Variants in SH3BGR observed in about 807,000 individuals in gnomAD.
The protein encoded by SH3BGR is SH3 domain-binding glutamic acid-rich protein.
Under a neutral mutation model 24.5 loss-of-function variants are expected in SH3BGR, and 29 were observed. The observed-to-expected ratio is 1.18, with a 90% CI of 0.88 to 1.61. The LOEUF is 1.61. Ranked by LOEUF, SH3BGR falls within the 40% of genes most tolerant of loss-of-function variation. SH3BGR has a pLI of 0.00. For synonymous variants in SH3BGR, 55 were observed against 65.7 expected, an observed-to-expected ratio of 0.84 and a Z score of 0.79; for missense variants, 162 against 205.8, an observed-to-expected ratio of 0.79 and a Z score of 1.30.
intron 3 of SH3BGR, among the ~76,000 whole-genome samples, chr21:39,481,803 A>T (rs1289870727): frequency 6.6e-6 from 1 of 152,204 alleles, no homozygotes; most frequent in Non-Finnish European, 1.5e-5. Flanking sequence ...GAATTAGAAA[A>T]ATAACCCGTT....
chr21:39,457,305 T>A (rs1296316512), intron 1 of SH3BGR, among the ~76,000 whole-genome samples: 2 of 143,292 alleles, frequency 1.4e-5, no homozygotes, highest in East Asian at 3.9e-4. Context: ...TATAGTTACA[T>A]ATATAAATCT....
chr21:39,468,697 C>T (rs189200950), intron 2 of SH3BGR, among the ~76,000 whole-genome samples: 6 of 152,192 alleles, frequency 3.9e-5, no homozygotes, highest in African/African-American at 7.2e-5. Context: ...CCTTGACCCC[C>T]CAACGTGCTG....
chr21:39,460,182 G>A (rs191387200), intron 1 of SH3BGR, among the ~76,000 whole-genome samples: 271 of 152,304 alleles, frequency 1.8e-3, no homozygotes, highest in African/African-American at 6.4e-3. Context: ...CCAGGTGTGA[G>A]TAGGAAAGGA....
upstream of SH3BGR, among the ~76,000 whole-genome samples, chr21:39,447,737 G>A (rs1209417519): frequency 6.6e-6 from 1 of 152,018 alleles, no homozygotes. Flanking sequence ...TGCTTTCGAA[G>A]GGGTGTTCTT....
intron 3 of SH3BGR, among the ~76,000 whole-genome samples, chr21:39,477,526 A>G (rs2078047171): frequency 6.6e-6 from 1 of 152,172 alleles, no homozygotes; most frequent in Non-Finnish European, 1.5e-5. Flanking sequence ...TCACCATGAA[A>G]TAGTATTCTT....
At chr21:39,508,776 C>G (rs997333398) in intron 4 of SH3BGR, among the ~76,000 whole-genome samples, 14 of 152,132 alleles carry the variant, frequency 9.2e-5, no homozygotes, top group African/African-American at 3.4e-4. Flanking sequence ...GGGAAACGGT[C>G]TTTAATCTCA....
In SH3BGR at chr21:39,470,863, T is replaced by C. The variant is rs571612248; in HGVS notation, c.232-4272T>C. Among the ~76,000 whole-genome samples the C allele has an allele frequency of 3.9e-5, 6 of 152,336 alleles. No individual in the cohort carries two copies. In the South Asian group the frequency reaches 1.2e-3, roughly 32 times the overall value. Reference sequence around the variant, plus strand: ...GTGGTAACTTCTCTAAGTTTTTGTTTGTTTAAAAAAAGGTATTTTCCAGAC... The same window carrying C: ...GTGGTAACTTCTCTAAGTTTTTGTTCGTTTAAAAAAAGGTATTTTCCAGAC... On this transcript the variant is annotated intron_variant, in intron 2 of 6. Coordinates refer to ENST00000333634, the MANE Select transcript of SH3BGR (RefSeq NM_007341.3).
At chr21:39,448,638 C>G (rs544860187), upstream of SH3BGR, among the ~76,000 whole-genome samples, 15 of 152,096 alleles carry the variant, frequency 9.9e-5, no homozygotes, top group Admixed American at 2.0e-4. Context: ...GAGCTGAGAT[C>G]AAGCCACTGC....
chr21:39,485,977 C>G (rs956202496), intron 3 of SH3BGR, among the ~76,000 whole-genome samples: 2 of 152,122 alleles, frequency 1.3e-5, no homozygotes, highest in Admixed American at 6.5e-5. Context: ...CGTGAGCCAC[C>G]ACGCCCGGCC....
At chr21:39,508,637 T>G (rs1157145529) in intron 4 of SH3BGR, among the ~76,000 whole-genome samples, 1 of 152,244 alleles carries the variant, frequency 6.6e-6, no homozygotes, top group Non-Finnish European at 1.5e-5. Flanking sequence ...TGTTCAAATT[T>G]TTACATTGCT....
chr21:39,482,380 GA>G (rs1323072715), intron 3 of SH3BGR, among the ~76,000 whole-genome samples: 1 of 152,206 alleles, frequency 6.6e-6, no homozygotes, highest in Non-Finnish European at 1.5e-5. Context: ...TATGTTTTAA[GA>G]GGTTCAAGTC....
At chr21:39,471,362 G>A (rs1006855739) in intron 2 of SH3BGR, among the ~76,000 whole-genome samples, 1 of 152,040 alleles carries the variant, frequency 6.6e-6, no homozygotes, top group Non-Finnish European at 1.5e-5. Context: ...TGGGAGGATT[G>A]CTTGAGCCCA....
At chr21:39,446,187 AAAC>A (rs1267665185) in intron 1 of SH3BGR, 1 of 143,654 alleles carries the variant, frequency 7.0e-6, no homozygotes, top group Non-Finnish European at 1.6e-5. Context: ...TTTTTTTGTA[AAAC>A]AAAATCTGAT....
intron 2 of SH3BGR, among the ~76,000 whole-genome samples, chr21:39,473,884 C>CAA (rs71184682): frequency 0.42 from 60,912 of 146,728 alleles, 15,192 homozygotes; most frequent in East Asian, 0.67. Flanking sequence ...GACTCTGTCT[C>CAA]AAAAAAAAAA....
At chr21:39,498,085 T>C (rs975986267) in intron 3 of SH3BGR, among the ~76,000 whole-genome samples, 12 of 152,344 alleles carry the variant, frequency 7.9e-5, no homozygotes, top group African/African-American at 2.4e-4. Flanking sequence ...ATCATATGAA[T>C]TGACCTGGAC....
intron 3 of SH3BGR, 115 bp downstream of exon 3, chr21:39,475,330 G>C: frequency 4.6e-6 from 3 of 656,390 alleles, no homozygotes; most frequent in Non-Finnish European, 8.1e-6. Flanking sequence ...CATTACTTTA[G>C]TACACTTCTT....
At chr21:39,470,278 A>G (rs2077916544) in intron 2 of SH3BGR, among the ~76,000 whole-genome samples, 1 of 151,336 alleles carries the variant, frequency 6.6e-6, no homozygotes. Context: ...TTTTTTTTAA[A>G]GCCAGAGTCT....
At position 39,497,871 on chromosome 21, in the gene SH3BGR, T is replaced by C. The variant is rs555371673; in HGVS notation, c.313-1952T>C. 2.1e-4 allele frequency among the ~76,000 whole-genome samples: 32 copies of C among 152,334 alleles called. 1 individual carries two copies. The South Asian group carries it at 5.6e-3, about 27-fold the overall frequency. ...GATAAAGGAGAAGGAGACATTCATA[T>C]ATCGCTGTGGGGATATGAATTGCTG... is the stretch of plus-strand genomic sequence containing the variant. On this transcript the variant is annotated intron_variant, in intron 3 of 6. Coordinates refer to ENST00000333634, the MANE Select transcript of SH3BGR (RefSeq NM_007341.3).
intron 5 of SH3BGR, among the ~76,000 whole-genome samples, chr21:39,509,824 CA>C (rs931357568): frequency 3.3e-5 from 5 of 151,912 alleles, no homozygotes; most frequent in African/African-American, 1.2e-4. Flanking sequence ...ATTATGAACA[CA>C]AGGGTAGGGA....
Sources: allele counts gnomAD v4.1 joint callset (sites outside exome capture counted in the v4.1 genomes callset), GRCh38; gene constraint gnomAD v4.1.1; transcripts MANE v1.5; gene names NCBI Gene and HGNC (gene_info 2026-07-23, HGNC 2026-07-21).